STAC: variants seen among roughly 807,000 people sequenced by gnomAD.
The protein encoded by STAC is SH3 and cysteine rich domain.
STAC carries 43 observed loss-of-function variants against 48.8 expected under a neutral mutation model. The observed-to-expected ratio is 0.88, with a 90% CI of 0.69 to 1.14. The LOEUF is 1.14. STAC is among the 50% of genes most tolerant of loss of function. The pLI is 0.00. For synonymous variants in STAC, 193 were observed against 179.5 expected (o/e 1.07, Z -0.60); for missense variants, 497 against 504.0 (o/e 0.99, Z 0.13).
At chr3:36,531,144 C>T (rs536979442) in intron 10 of STAC, among the ~76,000 whole-genome samples, 198 of 152,176 alleles carry the variant, frequency 1.3e-3, no homozygotes, top group African/African-American at 4.7e-3. Flanking sequence ...GACATTAGTC[C>T]ACTCATTTGG....
At chr3:36,453,310 G>A (rs1326859234) in intron 2 of STAC, among the ~76,000 whole-genome samples, 2 of 152,236 alleles carry the variant, frequency 1.3e-5, no homozygotes, top group African/African-American at 4.8e-5. Context: ...GCCAAGGCCG[G>A]AGCCAGCTCC....
At chr3:36,419,683 A>G (rs115050260) in intron 1 of STAC, among the ~76,000 whole-genome samples, 3,529 of 152,296 alleles carry the variant, frequency 0.023, 58 homozygotes, top group East Asian at 0.026. Flanking sequence ...AATGGTTTAT[A>G]ACAAAAGTCT....
intron 1 of STAC, among the ~76,000 whole-genome samples, chr3:36,427,764 G>A (rs1700601907): frequency 6.6e-6 from 1 of 152,160 alleles, no homozygotes; most frequent in South Asian, 2.1e-4. Context: ...AGCTTGCAAA[G>A]CAGATATTCA....
In STAC at chr3:36,443,460, A is replaced by T; in HGVS notation, c.208A>T (p.Lys70Ter). ...CCAGCGAACCAACAGCGAAGACATG[A>T]AACTGCAAGCACACATGGTGGCTGA... is the stretch of plus-strand genomic sequence containing the variant. ...FFQRTNSEDM[K>*]LQAHMVAEIS... Residue 70 changes from lysine to a stop codon, truncating the protein, a stop_gained, in exon 2 of 11, where the codon AAA (lysine) becomes TAA (stop). Coordinates refer to ENST00000273183, the MANE Select transcript of STAC (RefSeq NM_003149.3). LOFTEE classifies it high-confidence loss of function. The surrounding 1 kb of genome is among the most constrained non-coding windows in gnomAD (Gnocchi z 4.2). 5.6e-6 allele frequency: 9 copies of T among 1,614,238 alleles called. No homozygotes were observed. Among genetic ancestry groups the T allele is most frequent in the Non-Finnish European group, 7.6e-6 (9 of 1,180,038 alleles).
chr3:36,384,830 A>C (rs1699583108), intron 1 of STAC, among the ~76,000 whole-genome samples: 1 of 152,152 alleles, frequency 6.6e-6, no homozygotes, highest in South Asian at 2.1e-4. Context: ...CCAACCTATG[A>C]AAAAGAAATC....
At position 36,460,601 on chromosome 3, in the gene STAC, C is replaced by A. The variant is rs530153666; in HGVS notation, c.388+16961C>A. On this transcript the variant is annotated intron_variant, in intron 2 of 10. Transcript: ENST00000273183. ...TGCTGCCGGCATTAGTGGGTAGAGG[C>A]CAGGGATGCTGCTAACTATGCACAG... is the stretch of plus-strand genomic sequence containing the variant. 1.1e-4 allele frequency among the ~76,000 whole-genome samples: 16 copies of A among 152,150 alleles called. 1 individual carries two copies. In the South Asian group the frequency reaches 3.3e-3, roughly 32 times the overall value.
intron 2 of STAC, among the ~76,000 whole-genome samples, chr3:36,454,878 A>G (rs1456043986): frequency 6.6e-6 from 1 of 152,208 alleles, no homozygotes; most frequent in African/African-American, 2.4e-5. Flanking sequence ...TCTCTCTCAA[A>G]TTACAGCTCA....
At chr3:36,489,856 G>A (rs1697919029) in intron 5 of STAC, among the ~76,000 whole-genome samples, 1 of 152,170 alleles carries the variant, frequency 6.6e-6, no homozygotes, top group Non-Finnish European at 1.5e-5. Flanking sequence ...ATAGAGGGCT[G>A]GCAATGAGCT....
chr3:36,431,095 C>A (rs1267114476), intron 1 of STAC, among the ~76,000 whole-genome samples: 1 of 152,192 alleles, frequency 6.6e-6, no homozygotes, highest in Non-Finnish European at 1.5e-5. Flanking sequence ...TCCTTTTGTT[C>A]TGCTGTCCAT....
At chr3:36,446,369 A>G (rs969522519) in intron 2 of STAC, among the ~76,000 whole-genome samples, 1 of 152,216 alleles carries the variant, frequency 6.6e-6, no homozygotes, top group Non-Finnish European at 1.5e-5. Flanking sequence ...TTGAGTCACC[A>G]GGACTCCATA....
At chr3:36,538,565 T>A (rs1254172068) in intron 10 of STAC, among the ~76,000 whole-genome samples, 1 of 152,204 alleles carries the variant, frequency 6.6e-6, no homozygotes, top group Non-Finnish European at 1.5e-5. Flanking sequence ...CGTGTACAAT[T>A]CTTGATGCAT....
At chr3:36,524,247 G>A (rs544358972) in intron 8 of STAC, among the ~76,000 whole-genome samples, 3 of 152,186 alleles carry the variant, frequency 2.0e-5, no homozygotes, top group African/African-American at 7.2e-5. Context: ...AAGGGGAACT[G>A]ACCAGCCTCC....
At chr3:36,439,322 C>T (rs1696252180) in intron 1 of STAC, among the ~76,000 whole-genome samples, 1 of 152,170 alleles carries the variant, frequency 6.6e-6, no homozygotes, top group Non-Finnish European at 1.5e-5. Flanking sequence ...CTCCTTGGTT[C>T]CCCACTTTTG....
At chr3:36,533,490 T>TG (rs1290840490) in intron 10 of STAC, among the ~76,000 whole-genome samples, 2 of 149,924 alleles carry the variant, frequency 1.3e-5, no homozygotes, top group Non-Finnish European at 3.0e-5. Context: ...TTTTTTTTTT[T>TG]TTTTTTTTTT....
intron 10 of STAC, among the ~76,000 whole-genome samples, chr3:36,530,030 G>A (rs1400506290): frequency 6.6e-6 from 1 of 152,196 alleles, no homozygotes; most frequent in Non-Finnish European, 1.5e-5. Context: ...TGAGGCAGGA[G>A]AATCTCTTGA....
At chr3:36,444,687 T>G (rs544439817) in intron 2 of STAC, among the ~76,000 whole-genome samples, 31 of 152,344 alleles carry the variant, frequency 2.0e-4, no homozygotes, top group African/African-American at 7.5e-4. Flanking sequence ...TAGCAAGGAC[T>G]GCAAGCCACC....
intron 1 of STAC, among the ~76,000 whole-genome samples, chr3:36,426,428 A>AT (rs1210582283): frequency 6.6e-6 from 1 of 152,222 alleles, no homozygotes; most frequent in African/African-American, 2.4e-5. Context: ...TTAATCAAAA[A>AT]CCATTTACTA....
At chr3:36,502,449 C>A (rs943821611) in intron 6 of STAC, among the ~76,000 whole-genome samples, 2 of 152,146 alleles carry the variant, frequency 1.3e-5, no homozygotes, top group African/African-American at 4.8e-5. Flanking sequence ...TATAGGGTCA[C>A]TTCAAATATT....
chr3:36,388,776 G>A (rs1699677769), intron 1 of STAC, among the ~76,000 whole-genome samples: 1 of 151,774 alleles, frequency 6.6e-6, no homozygotes, highest in Non-Finnish European at 1.5e-5. Flanking sequence ...GTAATAAATG[G>A]TAATATGTAT....
Sources: allele counts gnomAD v4.1 joint callset (sites outside exome capture counted in the v4.1 genomes callset), GRCh38; gene constraint gnomAD v4.1.1; non-coding constraint Gnocchi (gnomAD v3.1); transcripts MANE v1.5; gene names NCBI Gene and HGNC (gene_info 2026-07-23, HGNC 2026-07-21).